Variants in WIPF1 observed in about 807,000 individuals in gnomAD.
The protein encoded by WIPF1 is WAS/WASL interacting protein family member 1, also known as WAS/WASL-interacting protein family member 1.
Under a neutral mutation model 35.4 loss-of-function variants are expected in WIPF1, and 13 were observed. That is an observed-to-expected ratio of 0.37 (90% CI 0.24 to 0.58). The LOEUF (loss-of-function observed/expected upper bound fraction) is 0.58. Ranked by LOEUF, WIPF1 falls within the 20% of genes least tolerant of loss-of-function variation. The pLI is 0.74. For missense variants in WIPF1, 591 were observed against 667.0 expected (o/e 0.89, Z 1.25); for synonymous variants, 267 against 266.3 (o/e 1.00, Z -0.02).
At chr2:174,629,977 T>C (rs1355492763) in intron 1 of WIPF1, 3 of 152,242 alleles carry the variant, frequency 2.0e-5, no homozygotes, top group Admixed American at 2.0e-4. Context: ...CTATGTATAA[T>C]ACATGCATAA....
At chr2:174,677,961 A>G (rs1688170975) in intron 1 of WIPF1, among the ~76,000 whole-genome samples, 1 of 152,216 alleles carries the variant, frequency 6.6e-6, no homozygotes, top group South Asian at 2.1e-4. Flanking sequence ...GACCTTGGGC[A>G]AGTTACCTAA....
At position 174,681,607 on chromosome 2, in the gene WIPF1, C is replaced by A. The variant is rs79513929; in HGVS notation, c.-39+1167G>T. Among the ~76,000 whole-genome samples, 1,278 of 152,314 alleles carry A rather than the reference C, an allele frequency of 8.4e-3. 22 individuals carry two copies. The highest frequency in any genetic ancestry group is 0.029 in the African/African-American group (1,225 of 41,566). ...GGAAGCTGGCAAAAGAAAACCCACC[C>A]AGCGTGGAATCTGTTCACGGGCTCT... On this transcript the variant is annotated intron_variant, in intron 1 of 8. Coordinates refer to the WIPF1 transcript ENST00000272746.
At chr2:174,647,649 TAAAA>T (rs10716104) in intron 1 of WIPF1, among the ~76,000 whole-genome samples, 3 of 141,406 alleles carry the variant, frequency 2.1e-5, no homozygotes, top group African/African-American at 2.6e-5. Flanking sequence ...GACCCTGTCT[TAAAA>T]AAAAAAAAAA....
chr2:174,668,063 T>C (rs1214805226), intron 1 of WIPF1, among the ~76,000 whole-genome samples: 3 of 152,138 alleles, frequency 2.0e-5, no homozygotes, highest in Non-Finnish European at 4.4e-5. Context: ...TTACGTTTTG[T>C]ACCTGAAGGA....
At chr2:174,617,735 T>C (rs1574838864) in intron 1 of WIPF1, among the ~76,000 whole-genome samples, 1 of 152,220 alleles carries the variant, frequency 6.6e-6, no homozygotes, top group Non-Finnish European at 1.5e-5. Flanking sequence ...CCCAAAGGTC[T>C]CACCCAGCCA....
intron 1 of WIPF1, among the ~76,000 whole-genome samples, chr2:174,594,528 C>T (rs1033665593): frequency 6.6e-6 from 1 of 152,102 alleles, no homozygotes; most frequent in African/African-American, 2.4e-5. Flanking sequence ...GGAAAGGAAA[C>T]ATTTTTATTT....
chr2:174,562,122 T>C lies in WIPF1; in HGVS notation c.*425A>G. ...GCCCTTACTCAGCAGCTTGCTTAGG[T>C]GGTCTGTGGTTCATAGAAACAGAGA... is the stretch of plus-strand genomic sequence containing the variant. On this transcript the variant is annotated 3_prime_UTR_variant, in exon 8 of 8. Transcript: ENST00000679041. 1 of 1,550,550 alleles carries C rather than the reference T, an allele frequency of 6.4e-7. No individual in the cohort carries two copies. The highest frequency in any genetic ancestry group is 8.7e-7 in the Non-Finnish European group (1 of 1,146,998).
intron 3 of WIPF1, 54 bp downstream of exon 3, chr2:174,581,252 GTTGA>G: frequency 1.3e-6 from 2 of 1,599,772 alleles, no homozygotes; most frequent in Admixed American, 3.5e-5. Context: ...TGAGGGTAGG[GTTGA>G]TTATTAGGCC....
intron 1 of WIPF1, among the ~76,000 whole-genome samples, chr2:174,675,087 C>T (rs114738791): frequency 0.023 from 3,549 of 152,058 alleles, 136 homozygotes; most frequent in African/African-American, 0.079. Flanking sequence ...TTATATTAAA[C>T]GCAATTGTGG....
At chr2:174,650,739 A>T (rs1687518477) in intron 1 of WIPF1, among the ~76,000 whole-genome samples, 1 of 152,254 alleles carries the variant, frequency 6.6e-6, no homozygotes, top group Admixed American at 6.5e-5. Flanking sequence ...TTATTTCTTC[A>T]TCCCTATGCT....
intron 1 of WIPF1, among the ~76,000 whole-genome samples, chr2:174,662,642 C>T (rs1008200380): frequency 6.6e-6 from 1 of 152,208 alleles, no homozygotes; most frequent in Non-Finnish European, 1.5e-5. Flanking sequence ...TGATTTCCAG[C>T]CCGTCACGGC....
At chr2:174,620,410 A>G (rs987129713) in intron 1 of WIPF1, among the ~76,000 whole-genome samples, 1 of 152,238 alleles carries the variant, frequency 6.6e-6, no homozygotes, top group Non-Finnish European at 1.5e-5. Flanking sequence ...CTGCACAAGA[A>G]TATATTTGAA....
At chr2:174,585,380 G>A (rs1685376068) in intron 2 of WIPF1, 143 bp downstream of exon 2, 1 of 816,124 alleles carries the variant, frequency 1.2e-6, no homozygotes, top group Non-Finnish European at 2.0e-6. Context: ...TCAGGATTTG[G>A]CTTACCCTGG....
intron 1 of WIPF1, among the ~76,000 whole-genome samples, chr2:174,592,105 TG>T (rs1685635022): frequency 6.6e-6 from 1 of 152,178 alleles, no homozygotes; most frequent in Admixed American, 6.5e-5. Flanking sequence ...TTGCCTTCCT[TG>T]GGATCAAGAA....
intron 1 of WIPF1, among the ~76,000 whole-genome samples, chr2:174,631,902 C>T (rs72914550): frequency 0.018 from 2,713 of 152,234 alleles, 37 homozygotes; most frequent in South Asian, 0.03. Flanking sequence ...GATGTCGACC[C>T]GCAGTGCCAC....
At position 174,596,784 on chromosome 2, in the gene WIPF1, C is replaced by A. The variant is rs575742813; in HGVS notation, c.-39+817G>T. Among the ~76,000 whole-genome samples the A allele has an allele frequency of 3.9e-5, 6 of 152,120 alleles. No homozygotes were observed. The South Asian group carries it at 1.2e-3, about 32-fold the overall frequency. On this transcript the variant is annotated intron_variant, in intron 1 of 7. Transcript: ENST00000679041. ...TACTTAGTGACTAAAGTTATATGTG[C>A]CTTCTGAGTTTTTTAAAGCTTTATT... is the stretch of plus-strand genomic sequence containing the variant.
chr2:174,680,759 T>C (rs1205110927), intron 1 of WIPF1, among the ~76,000 whole-genome samples: 2 of 152,188 alleles, frequency 1.3e-5, no homozygotes, highest in African/African-American at 4.8e-5. Context: ...ACCACCCACC[T>C]TTCTGCTCAT....
intron 1 of WIPF1, chr2:174,587,578 GA>G (rs1559152952): frequency 6.6e-6 from 1 of 152,278 alleles, no homozygotes. Flanking sequence ...GGGCGGTCTA[GA>G]AAATGAAAAT....
At chr2:174,647,894 T>C (rs1687448729) in intron 1 of WIPF1, among the ~76,000 whole-genome samples, 1 of 152,158 alleles carries the variant, frequency 6.6e-6, no homozygotes, top group Admixed American at 6.5e-5. Flanking sequence ...ATTAAAGAGA[T>C]AGGTTATTCT....
Sources: gnomAD v4.1 joint callset for allele counts (sites outside exome capture counted in the v4.1 genomes callset) on GRCh38, gnomAD v4.1.1 for gene constraint, MANE v1.5 for transcripts, NCBI Gene and HGNC (gene_info 2026-07-23, HGNC 2026-07-21) for gene names.